Variants in FBXL7 observed in about 807,000 individuals in gnomAD.
FBXL7 encodes F-box and leucine rich repeat protein 7.
Under a neutral mutation model 38.3 loss-of-function variants are expected in FBXL7, and 12 were observed. The ratio of observed to expected loss-of-function variants is 0.31; its 90% CI spans 0.20 to 0.51. The LOEUF is 0.51. Among genes scored for constraint, FBXL7 ranks in the 20% least tolerant of loss-of-function variants. The probability of loss-of-function intolerance (pLI) is 0.98; values close to 1 mark genes in which losing one functional copy is unlikely to be tolerated. For missense variants in FBXL7, 567 were observed against 676.4 expected, an observed-to-expected ratio of 0.84 and a Z score of 1.79; for synonymous variants, 297 against 300.9, an observed-to-expected ratio of 0.99 and a Z score of 0.13.
Position 15,928,311 on chromosome 5 carries a change from C to T in FBXL7, c.549C>T (p.Asn183=), listed in dbSNP as rs35368404. Residue 183 remains asparagine, a synonymous_variant, in exon 3 of 4, where the codon AAC becomes AAT. Transcript: ENST00000504595. This position sits in a 1 kb window ranked among gnomAD's most constrained non-coding sequence, Gnocchi z 4.0. ...GCAGACTCTGCCAGGACACCCCCAA[C>T]GTGTGTCTCATGCTGGAAACCGTAA... ...LTRRLCQDTP[N]VCLMLETVTV... is the part of the protein sequence containing the mutation. The T allele has an allele frequency of 1.3e-3, 2,137 of 1,613,792 alleles. 30 individuals carry two copies. In the African/African-American group the frequency reaches 0.024, roughly 18 times the overall value.
chr5:15,567,100 A>G (rs1004373836), intron 1 of FBXL7, among the ~76,000 whole-genome samples: 1 of 152,138 alleles, frequency 6.6e-6, no homozygotes, highest in Non-Finnish European at 1.5e-5. Context: ...AACATCCTGA[A>G]TTTTAACTCT....
rs951211627 is a variant in FBXL7 at position 15,720,522 on chromosome 5, C to T, written c.127+104450C>T. 4.2e-4 allele frequency among the ~76,000 whole-genome samples: 62 copies of T among 148,706 alleles called. 2 individuals are homozygous for T. Among genetic ancestry groups the T allele is most frequent in the African/African-American group, 1.2e-3 (50 of 40,826 alleles). On this transcript the variant is annotated intron_variant, in intron 2 of 3. Transcript: ENST00000504595. ...AAGCATGCATACTGGTTGTAAATAT[C>T]ATTGAATAACTTACTAAAACTTTAT...
chr5:15,826,643 T>C (rs1187163578), intron 2 of FBXL7, among the ~76,000 whole-genome samples: 1 of 152,048 alleles, frequency 6.6e-6, no homozygotes, highest in Non-Finnish European at 1.5e-5. Flanking sequence ...GGTCCCAAAC[T>C]CCTGTCCTCA....
intron 2 of FBXL7, among the ~76,000 whole-genome samples, chr5:15,755,063 C>G (rs1051822253): frequency 6.6e-6 from 1 of 152,100 alleles, no homozygotes; most frequent in Non-Finnish European, 1.5e-5. Context: ...TTAGGAAATC[C>G]CTTCTGCCTC....
chr5:15,824,665 G>C (rs1189539378), intron 2 of FBXL7, among the ~76,000 whole-genome samples: 2 of 152,202 alleles, frequency 1.3e-5, no homozygotes, highest in East Asian at 3.9e-4. Flanking sequence ...TTTCATGGAA[G>C]ACAAACCTTC....
intron 2 of FBXL7, among the ~76,000 whole-genome samples, chr5:15,853,445 G>T (rs1413761633): frequency 6.6e-6 from 1 of 152,080 alleles, no homozygotes; most frequent in South Asian, 2.1e-4. Flanking sequence ...TAGAGACCTC[G>T]AGTTGAGAGA....
rs186512295 is a variant in FBXL7 at position 15,573,595 on chromosome 5, G to A, written c.38-42388G>A. Among the ~76,000 whole-genome samples the A allele has an allele frequency of 2.0e-5, 3 of 152,316 alleles. No individual in the cohort carries two copies. In the East Asian group the frequency reaches 5.8e-4, roughly 29 times the overall value. Reference sequence around the variant, plus strand: ...AAAGGAAGGCAGTGTAGAAGTCACAGTTTGGAATTTTCTTTGTCTTCCTCA... The same window carrying A: ...AAAGGAAGGCAGTGTAGAAGTCACAATTTGGAATTTTCTTTGTCTTCCTCA... On this transcript the variant is annotated intron_variant, in intron 1 of 3. Transcript: ENST00000504595.
At chr5:15,686,151 T>C (rs578031353) in intron 2 of FBXL7, among the ~76,000 whole-genome samples, 1 of 152,352 alleles carries the variant, frequency 6.6e-6, no homozygotes, top group Non-Finnish European at 1.5e-5. Flanking sequence ...GTTAGCTGTC[T>C]GGATAACTTT....
At chr5:15,509,742 G>A (rs1266908288) in intron 1 of FBXL7, among the ~76,000 whole-genome samples, 2 of 152,140 alleles carry the variant, frequency 1.3e-5, no homozygotes, top group Non-Finnish European at 2.9e-5. Context: ...ATATGGCTTG[G>A]TCCATGGAAG....
At chr5:15,518,849 CCTTT>C (rs1276480087) in intron 1 of FBXL7, among the ~76,000 whole-genome samples, 1 of 152,132 alleles carries the variant, frequency 6.6e-6, no homozygotes, top group Non-Finnish European at 1.5e-5. Flanking sequence ...ATTGTTCATT[CCTTT>C]CTTAATTCCT....
chr5:15,711,537 A>G (rs1743871196), intron 2 of FBXL7, among the ~76,000 whole-genome samples: 1 of 152,186 alleles, frequency 6.6e-6, no homozygotes, highest in South Asian at 2.1e-4. Flanking sequence ...ACATAACTTT[A>G]TGGGGGATAC....
chr5:15,523,490 T>C (rs1477475517), intron 1 of FBXL7, among the ~76,000 whole-genome samples: 13 of 149,580 alleles, frequency 8.7e-5, no homozygotes, highest in Non-Finnish European at 1.6e-4. Context: ...ACCCGGGAGG[T>C]GGAGCTTGCA....
intron 2 of FBXL7, among the ~76,000 whole-genome samples, chr5:15,722,847 C>T (rs187696359): frequency 5.3e-5 from 8 of 150,504 alleles, no homozygotes; most frequent in Non-Finnish European, 1.2e-4. Flanking sequence ...CACTTGAACC[C>T]GGGAAGCGAA....
At chr5:15,570,986 G>T (rs777018994) in intron 1 of FBXL7, among the ~76,000 whole-genome samples, 17 of 151,708 alleles carry the variant, frequency 1.1e-4, no homozygotes, top group Non-Finnish European at 2.2e-4. Context: ...CAGCTACTCC[G>T]GAGGCTGAGG....
intron 1 of FBXL7, among the ~76,000 whole-genome samples, chr5:15,577,063 T>A (rs1738988289): frequency 6.6e-6 from 1 of 152,232 alleles, no homozygotes; most frequent in South Asian, 2.1e-4. Flanking sequence ...GATTCCAGTG[T>A]CCTGAGATTT....
Position 15,619,637 on chromosome 5 carries a change from C to T in FBXL7, c.127+3565C>T, listed in dbSNP as rs180835403. Among the ~76,000 whole-genome samples the T allele has an allele frequency of 8.5e-5, 13 of 152,296 alleles. No individual in the cohort carries two copies. The East Asian group carries it at 1.4e-3, about 16-fold the overall frequency. On this transcript the variant is annotated intron_variant, in intron 2 of 3. Transcript: ENST00000504595. The stretch of plus-strand genomic sequence containing the variant: ...TCACCTCTGAATTCGCCAATATCAC[C>T]TTCAGGGAGCACAGGCAAGATTCTT...
chr5:15,730,505 AAAAAT>A (rs1272380329), intron 2 of FBXL7, among the ~76,000 whole-genome samples: 5 of 152,174 alleles, frequency 3.3e-5, no homozygotes, highest in Non-Finnish European at 7.4e-5. Flanking sequence ...TAAATATACC[AAAAAT>A]AAAATAAGTA....
At position 15,626,073 on chromosome 5, in the gene FBXL7, G is replaced by A. The variant is rs576574970; in HGVS notation, c.127+10001G>A. ...CTGATTATTATAAAGGTTTGTTTTC[G>A]TCTTTAAAAATTAAATTTTAAACTT... On this transcript the variant is annotated intron_variant, in intron 2 of 3. Transcript: ENST00000504595. Among the ~76,000 whole-genome samples the A allele has an allele frequency of 4.6e-5, 7 of 152,168 alleles. No individual in the cohort carries two copies. The East Asian group carries it at 5.8e-4, about 13-fold the overall frequency.
chr5:15,845,992 C>T (rs1304203092), intron 2 of FBXL7, among the ~76,000 whole-genome samples: 2 of 152,086 alleles, frequency 1.3e-5, no homozygotes, highest in African/African-American at 2.4e-5. Flanking sequence ...AATAAAAATA[C>T]ATAAATGAAT....
Sources: gnomAD v4.1 joint callset for allele counts (sites outside exome capture counted in the v4.1 genomes callset) on GRCh38, gnomAD v4.1.1 for gene constraint, Gnocchi (gnomAD v3.1) non-coding constraint, MANE v1.5 for transcripts, NCBI Gene and HGNC (gene_info 2026-07-23, HGNC 2026-07-21) for gene names.